AP2A2: variants seen among roughly 807,000 people sequenced by gnomAD.
The protein encoded by AP2A2 is adaptor related protein complex 2 subunit alpha 2, also known as AP-2 complex subunit alpha-2.
In AP2A2, 32 loss-of-function variants were observed where a neutral mutation model predicts 104.2. The ratio of observed to expected loss-of-function variants is 0.31; its 90% CI spans 0.23 to 0.41. AP2A2 has a LOEUF of 0.41. AP2A2 is among the 10% of genes least tolerant of loss of function. AP2A2 has a pLI of 1.00. For synonymous variants in AP2A2, 539 were observed against 533.3 expected, an observed-to-expected ratio of 1.01 and a Z score of -0.15; for missense variants, 912 against 1,261.0, an observed-to-expected ratio of 0.72 and a Z score of 4.19.
At chr11:930,864 A>G (rs1300209620) in intron 1 of AP2A2, among the ~76,000 whole-genome samples, 4 of 152,154 alleles carry the variant, frequency 2.6e-5, no homozygotes, top group African/African-American at 9.7e-5. Context: ...TACAGGACAT[A>G]TTCAACACCA....
At chr11:995,945 C>G (rs1031763423) in intron 14 of AP2A2, 1 of 151,698 alleles carries the variant, frequency 6.6e-6, no homozygotes, top group African/African-American at 2.4e-5. Flanking sequence ...CGCCTGAGCA[C>G]CTTCATGCTT....
chr11:955,816 CAAGATCAGTTTTGG>C (rs1854215515), intron 1 of AP2A2, among the ~76,000 whole-genome samples: 1 of 152,130 alleles, frequency 6.6e-6, no homozygotes, highest in Non-Finnish European at 1.5e-5. Context: ...GTGGGGGAGG[CAAGATCAGTTTTGG>C]AAGCAGCAGT....
intron 1 of AP2A2, among the ~76,000 whole-genome samples, chr11:942,627 C>T (rs2134488854): frequency 6.6e-6 from 1 of 152,144 alleles, no homozygotes. Flanking sequence ...TTGTTTAAAC[C>T]CTGAACTGAA....
chr11:947,085 A>G (rs923796771), intron 1 of AP2A2: 5 of 142,194 alleles, frequency 3.5e-5, no homozygotes, highest in Non-Finnish European at 4.5e-5. Flanking sequence ...ATCTCGGCTC[A>G]CTGCAGCCCC....
At chr11:936,938 T>C (rs1853477338) in intron 1 of AP2A2, among the ~76,000 whole-genome samples, 1 of 152,162 alleles carries the variant, frequency 6.6e-6, no homozygotes, top group Admixed American at 6.6e-5. Flanking sequence ...CTGCTGGGCC[T>C]GTGCTGCGGC....
chr11:1,010,943 G>A lies in AP2A2; in HGVS notation c.*318G>A. The A allele has an allele frequency of 1.4e-6, 1 of 725,696 alleles. No individual in the cohort carries two copies. The highest frequency in any genetic ancestry group is 3.2e-4 in the Middle Eastern group (1 of 3,094). The allele number at this position is 725,696 out of a possible 1,614,324, so 45.0% of individuals were successfully genotyped here. A position where few individuals can be genotyped will look rare whatever the true frequency, so the allele number is the denominator to read the frequency against. The stretch of plus-strand genomic sequence containing the variant: ...AGAAGTTGGCGTGAACGTGGCGTTT[G>A]TGGGAGTGTCACTGAGATGGCCCGT... On this transcript the variant is annotated 3_prime_UTR_variant, in exon 22 of 22. Coordinates refer to ENST00000448903, the MANE Select transcript of AP2A2 (RefSeq NM_012305.4).
intron 1 of AP2A2, chr11:943,462 G>A (rs1451949605): frequency 6.2e-6 from 1 of 161,976 alleles, no homozygotes; most frequent in African/African-American, 2.4e-5. Context: ...CGAGGCCCAG[G>A]GTGTGGCACC....
At chr11:934,528 G>A (rs1317672898) in intron 1 of AP2A2, among the ~76,000 whole-genome samples, 3 of 152,110 alleles carry the variant, frequency 2.0e-5, no homozygotes, top group Admixed American at 6.5e-5. Flanking sequence ...TCATCTCTGT[G>A]CTTGGCTTCA....
chr11:926,083 G>A lies in AP2A2; in HGVS notation c.62G>A (p.Arg21His). 1.5e-6 allele frequency: 2 copies of A among 1,349,444 alleles called. No homozygotes were observed. Among genetic ancestry groups the A allele is most frequent in the Non-Finnish European group, 1.9e-6 (2 of 1,039,484 alleles). 83.6% of individuals were successfully genotyped at this position (1,349,444 alleles called of 1,614,324 possible). A position where few individuals can be genotyped will look rare whatever the true frequency, so the allele number is the denominator to read the frequency against. Residue 21 changes from arginine to histidine, a missense_variant, in exon 1 of 22, where the codon CGC (arginine) becomes CAC (histidine). By Grantham distance (29) the Arg-to-His change is conservative. This residue lies in a region of AP2A2 where 43 missense variants were observed against 47.0 expected (regional missense o/e 0.91). Coordinates refer to ENST00000448903, the MANE Select transcript of AP2A2 (RefSeq NM_012305.4). ...RGLAVFISDI[R>H]NCKSKEAEIK... ...CTGGCGGTCTTCATCTCGGATATCC[G>A]CAACTGTGAGTGGCGGGGGCGGCGT... is the stretch of plus-strand genomic sequence containing the variant.
At chr11:1,008,365 G>C in intron 18 of AP2A2, 1 of 574,058 alleles carries the variant, frequency 1.7e-6, no homozygotes, top group Non-Finnish European at 2.9e-6. Context: ...CTCCCACATG[G>C]GGCCTTGCTA....
intron 1 of AP2A2, among the ~76,000 whole-genome samples, chr11:957,171 A>G (rs1290181730): frequency 4.6e-5 from 7 of 152,230 alleles, no homozygotes; most frequent in African/African-American, 1.7e-4. Context: ...ATTTGATCAT[A>G]AAAGCTAGTA....
At position 985,569 on chromosome 11, in the gene AP2A2, A is replaced by G. The variant is rs368012774; in HGVS notation, c.949A>G (p.Ile317Val). The change falls in exon 8 of 22, where the codon ATT (isoleucine) becomes GTT (valine). Residue 317 changes from isoleucine (I) to valine (V), a missense_variant. Physicochemically the swap from Ile to Val is conservative, Grantham distance 29. Coordinates refer to ENST00000448903, the MANE Select transcript of AP2A2 (RefSeq NM_012305.4). ...AVLFEAISLI[I>V]HHDSEPNLLV... The stretch of plus-strand genomic sequence containing the variant: ...GCTCTTCGAGGCCATCAGCTTAATC[A>G]TTCACCATGACAGGTGTGTCGGCTG... The G allele has an allele frequency of 1.2e-4, 199 of 1,613,806 alleles. No individual in the cohort carries two copies. Among genetic ancestry groups the G allele is most frequent in the Non-Finnish European group, 1.7e-4 (196 of 1,179,874 alleles).
intron 2 of AP2A2, among the ~76,000 whole-genome samples, chr11:960,299 G>T (rs1854387288): frequency 6.6e-6 from 1 of 151,228 alleles, no homozygotes; most frequent in African/African-American, 2.4e-5. Context: ...GTGGAGTGCA[G>T]TGGCACGATC....
chr11:935,606 T>G (rs1853430978), intron 1 of AP2A2, among the ~76,000 whole-genome samples: 1 of 23,212 alleles, frequency 4.3e-5, no homozygotes. Context: ...CCGGCCAGTT[T>G]TTTTTTTTTT....
chr11:1,000,928 C>T (rs1431144002), intron 15 of AP2A2, among the ~76,000 whole-genome samples: 1 of 152,314 alleles, frequency 6.6e-6, no homozygotes, highest in East Asian at 1.9e-4. Context: ...GATAAACACT[C>T]TTTGTAGCTA....
At chr11:941,261 T>C (rs990447691) in intron 1 of AP2A2, among the ~76,000 whole-genome samples, 2 of 152,246 alleles carry the variant, frequency 1.3e-5, no homozygotes, top group African/African-American at 2.4e-5. Flanking sequence ...TGCAGCTTGC[T>C]CTCCTTGGCT....
At chr11:990,182 G>T (rs1380670620) in intron 10 of AP2A2, among the ~76,000 whole-genome samples, 1 of 152,206 alleles carries the variant, frequency 6.6e-6, no homozygotes, top group Admixed American at 6.5e-5. Flanking sequence ...CGGCTCTCAC[G>T]CTGGACTGTC....
chr11:1,011,755 C>T lies in AP2A2; in HGVS notation c.*1130C>T, dbSNP rs1021456255. 2.4e-5 allele frequency: 8 copies of T among 328,086 alleles called. No homozygotes were observed. The highest frequency in any genetic ancestry group is 4.3e-5 in the African/African-American group (2 of 46,040). 20.3% of individuals were successfully genotyped at this position (328,086 alleles called of 1,614,324 possible). ...TGGAGGCAGGGAGGGTGGGTGGCCA[C>T]ATGTGCTTGAGGGTTTTCACCCTGG... is the stretch of plus-strand genomic sequence containing the variant. On this transcript the variant is annotated 3_prime_UTR_variant, in exon 22 of 22. Transcript: ENST00000448903.
At chr11:934,094 C>T (rs7395592) in intron 1 of AP2A2, among the ~76,000 whole-genome samples, 1 of 151,290 alleles carries the variant, frequency 6.6e-6, no homozygotes, top group Non-Finnish European at 1.5e-5. Flanking sequence ...AGTCCTGACT[C>T]CCATGCTAGG....
Sources: gnomAD v4.1 joint callset for allele counts (sites outside exome capture counted in the v4.1 genomes callset) on GRCh38, gnomAD v4.1.1 for gene constraint, gnomAD v4.1.1 regional missense constraint, MANE v1.5 for transcripts, NCBI Gene and HGNC (gene_info 2026-07-23, HGNC 2026-07-21) for gene names.